SLC11A2: variants seen among roughly 807,000 people sequenced by gnomAD.
SLC11A2 encodes the protein solute carrier family 11 member 2.
A neutral mutation model predicts 68.0 loss-of-function variants in SLC11A2; 38 were observed. The observed-to-expected ratio is 0.56, with a 90% CI of 0.43 to 0.73. The LOEUF is 0.73. Ranked by LOEUF, SLC11A2 falls within the 30% of genes least tolerant of loss-of-function variation. The pLI, the probability that SLC11A2 is intolerant of heterozygous loss-of-function variation, is 0.00. For synonymous variants in SLC11A2, 242 were observed against 250.6 expected (o/e 0.97, Z 0.32); for missense variants, 517 against 690.5 (o/e 0.75, Z 2.82).
intron 15 of SLC11A2, 110 bp from the exon 16 acceptor site, chr12:50,988,545 G>A (rs1399892577): frequency 6.5e-6 from 10 of 1,532,118 alleles, no homozygotes; most frequent in Middle Eastern, 2.0e-4. Flanking sequence ...ATCCAGCTGT[G>A]CCCATCTTCT....
At chr12:50,968,294 G>A in the SLC11A2 span, among the ~76,000 whole-genome samples, 2 of 152,196 alleles carry the variant, frequency 1.3e-5, no homozygotes, top group East Asian at 3.8e-4. Context: ...AATCTGCAAG[G>A]ATGAACTAGA....
In SLC11A2 at chr12:51,008,635, A is replaced by G; in HGVS notation, c.35-11T>C. Reference sequence around the variant, plus strand: ...CTCCAGAAACACTGTCTGAATTAACAGATTTGAAAATAAATTAGTAAAAAA... The same window carrying G: ...CTCCAGAAACACTGTCTGAATTAACGGATTTGAAAATAAATTAGTAAAAAA... On this transcript the variant is annotated splice_polypyrimidine_tract_variant and intron_variant, in intron 2 of 15. Transcript: ENST00000262052. The G allele has an allele frequency of 4.4e-6, 7 of 1,606,992 alleles. No individual in the cohort carries two copies. Among genetic ancestry groups the G allele is most frequent in the Non-Finnish European group, 5.1e-6 (6 of 1,173,628 alleles).
intron 1 of SLC11A2, among the ~76,000 whole-genome samples, chr12:51,019,785 C>T (rs1436077538): frequency 6.6e-6 from 1 of 150,612 alleles, no homozygotes; most frequent in Non-Finnish European, 1.5e-5. Context: ...GTAGCTGGGA[C>T]TAGAGGCGTG....
At chr12:51,016,484 C>T (rs978531955) in intron 1 of SLC11A2, among the ~76,000 whole-genome samples, 2 of 151,494 alleles carry the variant, frequency 1.3e-5, no homozygotes, top group Non-Finnish European at 2.9e-5. Flanking sequence ...GAGCTTGAGA[C>T]CAGCCTGGCC....
At chr12:50,983,315 C>T (rs1000908483), downstream of SLC11A2, among the ~76,000 whole-genome samples, 3 of 152,158 alleles carry the variant, frequency 2.0e-5, no homozygotes, top group African/African-American at 4.8e-5. Context: ...ATTATTATTA[C>T]GCAGAGCTTT....
In SLC11A2 at chr12:50,988,285, G is replaced by A; in HGVS notation, c.*40C>T. The A allele has an allele frequency of 6.2e-7, 1 of 1,613,438 alleles. No individual in the cohort carries two copies. The highest frequency in any genetic ancestry group is 8.5e-7 in the Non-Finnish European group (1 of 1,179,640). The stretch of plus-strand genomic sequence containing the variant: ...ACACAGTAAACCATAGAAACACACT[G>A]GCTCTGATGGCTACCTGCAGAAGAC... On this transcript the variant is annotated 3_prime_UTR_variant, in exon 16 of 16. Coordinates refer to ENST00000262052, the MANE Select transcript of SLC11A2 (RefSeq NM_000617.3).
chr12:50,996,706 C>G, intron 9 of SLC11A2, 111 bp downstream of exon 9: 1 of 1,089,662 alleles, frequency 9.2e-7, no homozygotes, highest in Non-Finnish European at 1.4e-6. Context: ...TGGAAAATAC[C>G]TTGCTCCTTC....
At chr12:50,996,214 A>G (rs1941687112) in intron 9 of SLC11A2, among the ~76,000 whole-genome samples, 2 of 152,198 alleles carry the variant, frequency 1.3e-5, no homozygotes, top group South Asian at 4.1e-4. Context: ...CCTGACCTCC[A>G]TAAGGCCACT....
the SLC11A2 span, chr12:50,970,617 C>T: frequency 1.5e-6 from 1 of 664,090 alleles, no homozygotes; most frequent in South Asian, 1.8e-5. Context: ...ACAGAATGCT[C>T]ATAGCCTTTG....
intron 1 of SLC11A2, among the ~76,000 whole-genome samples, chr12:51,019,824 T>C (rs1033452939): frequency 2.0e-5 from 3 of 151,724 alleles, no homozygotes; most frequent in African/African-American, 7.3e-5. Flanking sequence ...TTTGTATTTG[T>C]TGTAGAGACA....
Position 51,016,269 on chromosome 12 carries a change from G to A in SLC11A2, c.-38-5503C>T, listed in dbSNP as rs191562949. Among the ~76,000 whole-genome samples, 257 of 152,174 alleles carry A rather than the reference G, an allele frequency of 1.7e-3. 1 individual carries two copies. Among genetic ancestry groups the A allele is most frequent in the Middle Eastern group, 0.014 (4 of 294 alleles). ...TACAAAAATTAGCTAGGTGGAGGCCGGACACGGTGGCTCACACCTGTAATC... is the reference window on the plus strand; with the variant it reads ...TACAAAAATTAGCTAGGTGGAGGCCAGACACGGTGGCTCACACCTGTAATC... On this transcript the variant is annotated intron_variant, in intron 1 of 15. Transcript: ENST00000262052.
the SLC11A2 span, among the ~76,000 whole-genome samples, chr12:50,973,837 C>T: frequency 9.2e-5 from 14 of 152,200 alleles, no homozygotes; most frequent in Admixed American, 8.5e-4. Context: ...AACTACGTGA[C>T]GAATGCACAA....
At position 50,988,197 on chromosome 12, in the gene SLC11A2, T is replaced by C. The variant is rs760246899; in HGVS notation, c.*128A>G. On this transcript the variant is annotated 3_prime_UTR_variant, in exon 16 of 16. Transcript: ENST00000262052. ...TCAAATACACATGAAACAAAGTCTT[T>C]TCCAACCAACGGTTGAGTCATAAAC... 121 of 1,556,540 alleles carry C rather than the reference T, an allele frequency of 7.8e-5. No individual in the cohort carries two copies. Among genetic ancestry groups the C allele is most frequent in the Non-Finnish European group, 9.9e-5 (114 of 1,151,630 alleles).
At chr12:50,993,204 AAAAAAAAAG>A in intron 11 of SLC11A2, 1 of 402,806 alleles carries the variant, frequency 2.5e-6, no homozygotes, top group Non-Finnish European at 4.5e-6. Flanking sequence ...AAAAAAAAAA[AAAAAAAAAG>A]AGGTCTACAC....
chr12:50,978,605 A>G (rs1367944229), downstream of SLC11A2, among the ~76,000 whole-genome samples: 1 of 72,414 alleles, frequency 1.4e-5, no homozygotes, highest in African/African-American at 3.5e-5. Context: ...ACAAACCTGC[A>G]CGCTGTGCAC....
At chr12:50,952,321 AC>A in the SLC11A2 span, among the ~76,000 whole-genome samples, 1 of 152,204 alleles carries the variant, frequency 6.6e-6, no homozygotes, top group African/African-American at 2.4e-5. Flanking sequence ...AAATGCGGGT[AC>A]CAGACACACA....
chr12:50,962,141 T>C, the SLC11A2 span, among the ~76,000 whole-genome samples: 1 of 152,176 alleles, frequency 6.6e-6, no homozygotes. Context: ...ATCCCACCAC[T>C]TTGGGATGCC....
chr12:50,956,223 C>T, the SLC11A2 span, among the ~76,000 whole-genome samples: 7 of 152,262 alleles, frequency 4.6e-5, no homozygotes, highest in African/African-American at 1.7e-4. Context: ...GAAACCCTGT[C>T]TCTACTAAAA....
chr12:50,965,701 A>G, the SLC11A2 span, among the ~76,000 whole-genome samples: 3 of 152,162 alleles, frequency 2.0e-5, no homozygotes, highest in Non-Finnish European at 4.4e-5. Context: ...ATTAGTGTCA[A>G]TTTAGAACCA....
Sources: allele counts gnomAD v4.1 joint callset (sites outside exome capture counted in the v4.1 genomes callset), GRCh38; gene constraint gnomAD v4.1.1; transcripts MANE v1.5; gene names NCBI Gene and HGNC (gene_info 2026-07-23, HGNC 2026-07-21).